RASGEF1A: variants seen among roughly 807,000 people sequenced by gnomAD.
The protein encoded by RASGEF1A is RasGEF domain family member 1A.
RASGEF1A carries 18 observed loss-of-function variants against 56.4 expected under a neutral mutation model. That is an observed-to-expected ratio of 0.32 (90% CI 0.22 to 0.47). RASGEF1A has a LOEUF of 0.47. Ranked by LOEUF, RASGEF1A falls within the 20% of genes least tolerant of loss-of-function variation. The probability of loss-of-function intolerance (pLI) is 1.00; values close to 1 mark genes in which losing one functional copy is unlikely to be tolerated. For synonymous variants in RASGEF1A, 245 were observed against 242.6 expected (o/e 1.01, Z -0.09); for missense variants, 422 against 627.1 (o/e 0.67, Z 3.49).
chr10:43,231,526 C>G (rs1349961733), intron 1 of RASGEF1A, among the ~76,000 whole-genome samples: 2 of 152,256 alleles, frequency 1.3e-5, no homozygotes, highest in African/African-American at 4.8e-5. Context: ...GGCAGCCCCA[C>G]AAGCCTTCTT....
intron 2 of RASGEF1A, 50 bp downstream of exon 2, chr10:43,205,869 G>C: frequency 2.0e-6 from 3 of 1,472,490 alleles, no homozygotes; most frequent in Non-Finnish European, 2.8e-6. Flanking sequence ...ACATCTCCTG[G>C]AGCCCAGGTC....
intron 1 of RASGEF1A, among the ~76,000 whole-genome samples, chr10:43,211,911 G>A (rs992935814): frequency 6.6e-6 from 1 of 152,234 alleles, no homozygotes; most frequent in African/African-American, 2.4e-5. Flanking sequence ...GTTGCAGTGA[G>A]GTTGAAGGGA....
intron 1 of RASGEF1A, among the ~76,000 whole-genome samples, chr10:43,236,027 AAGAG>A (rs1006344467): frequency 2.6e-5 from 4 of 152,202 alleles, no homozygotes; most frequent in African/African-American, 7.2e-5. Flanking sequence ...CCCAATGAGA[AAGAG>A]AGAAGAGGGA....
intron 1 of RASGEF1A, among the ~76,000 whole-genome samples, chr10:43,248,707 A>AT (rs1260867912): frequency 6.6e-6 from 1 of 151,970 alleles, no homozygotes; most frequent in African/African-American, 2.4e-5. Flanking sequence ...TAGTCTGTAG[A>AT]TTTTTTTCTT....
rs1001395690 is a variant in RASGEF1A, at chr10:43,208,438, G to A, written c.-6-2316C>T. The A allele has an allele frequency of 4.3e-5, 42 of 985,478 alleles. No individual in the cohort carries two copies. In the African/African-American group the frequency reaches 6.8e-4, roughly 16 times the overall value. 61.0% of individuals were successfully genotyped at this position (985,478 alleles called of 1,614,324 possible). Reference sequence around the variant, plus strand: ...CCTAGGAGTTGAGGAGCCATCCTGGGGACCCAGCCCACTGGTCAGCAGCCA... The same window carrying A: ...CCTAGGAGTTGAGGAGCCATCCTGGAGACCCAGCCCACTGGTCAGCAGCCA... On this transcript the variant is annotated intron_variant, in intron 1 of 12. Coordinates refer to ENST00000395810, the MANE Select transcript of RASGEF1A (RefSeq NM_145313.4).
chr10:43,253,239 C>A (rs1043356267), intron 1 of RASGEF1A, among the ~76,000 whole-genome samples: 2 of 152,194 alleles, frequency 1.3e-5, no homozygotes, highest in Non-Finnish European at 2.9e-5. Flanking sequence ...CCACAACCTC[C>A]AAACTACCCC....
At chr10:43,230,038 G>A (rs1028374052) in intron 1 of RASGEF1A, among the ~76,000 whole-genome samples, 1 of 151,986 alleles carries the variant, frequency 6.6e-6, no homozygotes, top group Non-Finnish European at 1.5e-5. Flanking sequence ...GTCCGGGATC[G>A]GCCGTGCCGG....
At chr10:43,243,854 G>T (rs923506406) in intron 1 of RASGEF1A, among the ~76,000 whole-genome samples, 1 of 152,190 alleles carries the variant, frequency 6.6e-6, no homozygotes, top group Admixed American at 6.5e-5. Flanking sequence ...CTGCCAGGCC[G>T]CCCCGTCTGG....
intron 9 of RASGEF1A, among the ~76,000 whole-genome samples, chr10:43,198,410 C>A (rs1425588885): frequency 6.6e-6 from 1 of 152,226 alleles, no homozygotes; most frequent in Non-Finnish European, 1.5e-5. Flanking sequence ...CTCTGGAAAG[C>A]CACAGAAGTG....
chr10:43,230,493 G>T (rs1840351764), intron 1 of RASGEF1A, among the ~76,000 whole-genome samples: 1 of 152,182 alleles, frequency 6.6e-6, no homozygotes, highest in African/African-American at 2.4e-5. Flanking sequence ...AAAGATGCGC[G>T]GAGCCGAAGA....
At chr10:43,239,302 T>C (rs1399755187) in intron 1 of RASGEF1A, among the ~76,000 whole-genome samples, 2 of 152,250 alleles carry the variant, frequency 1.3e-5, no homozygotes, top group African/African-American at 4.8e-5. Flanking sequence ...TAATACTTGA[T>C]GTGCTGGGTC....
chr10:43,266,813 C>G (rs1220433688), intron 1 of RASGEF1A, 32 bp downstream of exon 1: 2 of 145,844 alleles, frequency 1.4e-5, no homozygotes, highest in African/African-American at 4.9e-5. Context: ...GCGGGGGCCC[C>G]GAGGCACTGA....
chr10:43,210,152 A>G (rs1840045967), intron 1 of RASGEF1A, among the ~76,000 whole-genome samples: 1 of 152,264 alleles, frequency 6.6e-6, no homozygotes, highest in African/African-American at 2.4e-5. Context: ...TGAGAACCTC[A>G]GCCTCCAGGT....
chr10:43,230,838 C>T (rs1840356756), intron 1 of RASGEF1A, among the ~76,000 whole-genome samples: 1 of 152,206 alleles, frequency 6.6e-6, no homozygotes, highest in Non-Finnish European at 1.5e-5. Context: ...AGAGTACCTA[C>T]TAGGCTGGCT....
chr10:43,200,057 G>A, intron 6 of RASGEF1A, 125 bp downstream of exon 6: 2 of 769,832 alleles, frequency 2.6e-6, no homozygotes, highest in East Asian at 2.7e-5. Flanking sequence ...ATCCATCGGG[G>A]CTCATGGCCC....
chr10:43,200,647 G>A lies in RASGEF1A; in HGVS notation c.681+20C>T. 2 of 1,601,996 alleles carry A rather than the reference G, an allele frequency of 1.2e-6. No individual in the cohort carries two copies. Among genetic ancestry groups the A allele is most frequent in the South Asian group, 1.1e-5 (1 of 90,828 alleles). On this transcript the variant is annotated intron_variant, in intron 5 of 12. Coordinates refer to ENST00000395810, the MANE Select transcript of RASGEF1A (RefSeq NM_145313.4). ...GTCCCACAGCCCCCACCCCCAGTCA[G>A]GGCATAAGGCAGCACTGACCAGCTC... is the stretch of plus-strand genomic sequence containing the variant.
chr10:43,219,345 T>C (rs1840177392), intron 1 of RASGEF1A, among the ~76,000 whole-genome samples: 1 of 152,210 alleles, frequency 6.6e-6, no homozygotes, highest in Non-Finnish European at 1.5e-5. Context: ...GCCAGTTCTG[T>C]CCTTTCCAGG....
intron 1 of RASGEF1A, among the ~76,000 whole-genome samples, chr10:43,212,150 C>G (rs1292525917): frequency 6.6e-6 from 1 of 152,154 alleles, no homozygotes; most frequent in Non-Finnish European, 1.5e-5. Flanking sequence ...GGAATCCTCA[C>G]CCCAGAGGCA....
intron 1 of RASGEF1A, among the ~76,000 whole-genome samples, chr10:43,244,075 T>A (rs1840540864): frequency 6.6e-6 from 1 of 152,236 alleles, no homozygotes; most frequent in Admixed American, 6.5e-5. Context: ...GCTGTTAATC[T>A]ATAACCTTAC....
Sources: gnomAD v4.1 joint callset for allele counts (sites outside exome capture counted in the v4.1 genomes callset) on GRCh38, gnomAD v4.1.1 for gene constraint, MANE v1.5 for transcripts, NCBI Gene and HGNC (gene_info 2026-07-23, HGNC 2026-07-21) for gene names.